PTPRO: variants seen among roughly 807,000 people sequenced by gnomAD.
The protein encoded by PTPRO is protein tyrosine phosphatase receptor type O.
A neutral mutation model predicts 145.2 loss-of-function variants in PTPRO; 62 were observed. That is an observed-to-expected ratio of 0.43 (90% CI 0.35 to 0.53). The LOEUF (loss-of-function observed/expected upper bound fraction) is 0.53. PTPRO is among the 20% of genes least tolerant of loss of function. The pLI is 0.01. For synonymous variants in PTPRO, 565 were observed against 514.7 expected, an observed-to-expected ratio of 1.10 and a Z score of -1.32; for missense variants, 1,345 against 1,482.7, an observed-to-expected ratio of 0.91 and a Z score of 1.53.
chr12:15,323,716 G>A (rs1286682296), intron 1 of PTPRO, among the ~76,000 whole-genome samples: 1 of 152,068 alleles, frequency 6.6e-6, no homozygotes, highest in Admixed American at 6.5e-5. Context: ...CAAGAATGTC[G>A]ACAGGTGACT....
Position 15,589,514 on chromosome 12 carries a change from G to C in PTPRO, c.3470G>C (p.Arg1157Pro). Reference protein sequence around the residue: ...IALDRLLQHIRDHEFVDILGL... With the variant: ...IALDRLLQHIPDHEFVDILGL... ...CTGGACAGGCTCTTGCAGCACATTC[G>C]GGATCATGAGTTTGTTGACATCTTA... Residue 1157 changes from arginine (R) to proline (P), a missense_variant, in exon 25 of 27, where the codon CGG becomes CCG. Coordinates refer to ENST00000281171, the MANE Select transcript of PTPRO (RefSeq NM_030667.3). 6.2e-7 allele frequency: 1 copy of C among 1,614,092 alleles called. No homozygotes were observed. The highest frequency in any genetic ancestry group is 1.3e-5 in the African/African-American group (1 of 75,038).
At chr12:15,570,569 C>T (rs1437764052) in intron 19 of PTPRO, among the ~76,000 whole-genome samples, 2 of 152,146 alleles carry the variant, frequency 1.3e-5, no homozygotes, top group Non-Finnish European at 2.9e-5. Context: ...ACAGAGCCTG[C>T]TCACTTATCC....
chr12:15,330,264 C>T (rs1866569350), intron 1 of PTPRO, among the ~76,000 whole-genome samples: 2 of 152,156 alleles, frequency 1.3e-5, no homozygotes, highest in Non-Finnish European at 2.9e-5. Context: ...ATTAGGGTGA[C>T]AGACAGTCAA....
At chr12:15,505,293 G>A (rs1942299507) in intron 6 of PTPRO, among the ~76,000 whole-genome samples, 1 of 152,118 alleles carries the variant, frequency 6.6e-6, no homozygotes, top group Non-Finnish European at 1.5e-5. Context: ...TATTTTTCTA[G>A]ATTTATTTTA....
intron 1 of PTPRO, among the ~76,000 whole-genome samples, chr12:15,434,123 A>C (rs1940529017): frequency 6.6e-6 from 1 of 152,186 alleles, no homozygotes; most frequent in African/African-American, 2.4e-5. Flanking sequence ...AGTCCAGTAA[A>C]ATGCCCTTTG....
chr12:15,541,339 AGACT>A lies in PTPRO; in HGVS notation c.2165-5224_2165-5221del, dbSNP rs1943176222. Reference sequence around the variant, plus strand: ...TTTTTTCCTATCCTTCTGCTTTAGAAGACTGACTGTATTTGATATTTTATAGGGT... The same window carrying A: ...TTTTTTCCTATCCTTCTGCTTTAGAAGACTGTATTTGATATTTTATAGGGT... On this transcript the variant is annotated intron_variant, in intron 12 of 26. Transcript: ENST00000281171. Among the ~76,000 whole-genome samples, 9 of 152,334 alleles carry A rather than the reference AGACT, an allele frequency of 5.9e-5. No homozygotes were observed. In the South Asian group the frequency reaches 1.9e-3, roughly 32 times the overall value.
At chr12:15,339,088 T>C (rs962312740) in intron 1 of PTPRO, among the ~76,000 whole-genome samples, 1 of 152,186 alleles carries the variant, frequency 6.6e-6, no homozygotes, top group Admixed American at 6.5e-5. Context: ...AGAACTGTAT[T>C]GAAATAAATG....
intron 1 of PTPRO, among the ~76,000 whole-genome samples, chr12:15,482,306 C>T (rs1050557098): frequency 2.6e-5 from 4 of 151,982 alleles, no homozygotes; most frequent in Admixed American, 6.6e-5. Context: ...ATAAATACCA[C>T]GTTTTTACTC....
intron 19 of PTPRO, among the ~76,000 whole-genome samples, chr12:15,573,851 C>T (rs1188273943): frequency 6.6e-6 from 1 of 152,150 alleles, no homozygotes; most frequent in African/African-American, 2.4e-5. Flanking sequence ...GTATGCTGGA[C>T]CTTTCACATG....
intron 12 of PTPRO, among the ~76,000 whole-genome samples, chr12:15,536,401 A>G (rs1943066351): frequency 1.3e-5 from 2 of 152,224 alleles, no homozygotes; most frequent in Non-Finnish European, 2.9e-5. Flanking sequence ...TTCTGTAGGC[A>G]GAAGGAACCA....
In PTPRO at chr12:15,549,145, GC is replaced by G; in HGVS notation, c.2358del (p.Thr787LeufsTer21). 6.2e-7 allele frequency: 1 copy of G among 1,612,672 alleles called. No homozygotes were observed. Among genetic ancestry groups the G allele is most frequent in the Non-Finnish European group, 8.5e-7 (1 of 1,179,652 alleles). On this transcript the variant is annotated frameshift_variant, in exon 14 of 27. Transcript: ENST00000281171. LOFTEE classifies it high-confidence loss of function. ...HVVTISSLLP[A>X]TAYNCSVTSF... is the part of the protein sequence containing the mutation. ...CGTGACCATCTCCAGCCTTCTTCCTGCCACTGCCTACAATTGTAGTGTCACC... is the reference window on the plus strand; with the variant it reads ...CGTGACCATCTCCAGCCTTCTTCCTGCACTGCCTACAATTGTAGTGTCACC...
Position 15,595,001 on chromosome 12 carries a change from G to A in PTPRO, c.3611G>A (p.Cys1204Tyr). The A allele has an allele frequency of 6.2e-7, 1 of 1,613,870 alleles. No homozygotes were observed. The highest frequency in any genetic ancestry group is 1.1e-5 in the South Asian group (1 of 91,066). Residue 1204 changes from cysteine (C) to tyrosine (Y), a missense_variant, in exon 26 of 27, where the codon TGC (cysteine) becomes TAC (tyrosine). Around this residue, in one of 3 missense-constraint regions of PTPRO, gnomAD observed 208 missense variants for 242.8 expected, o/e 0.86. Transcript: ENST00000281171. Reference sequence around the variant, plus strand: ...TGGATGAAGAAGAAGCAGCAGTTCTGCATCAGTGATGTCATATACGAGAAT... The same window carrying A: ...TGGATGAAGAAGAAGCAGCAGTTCTACATCAGTGATGTCATATACGAGAAT... ...LMWMKKKQQF[C>Y]ISDVIYENVS...
chr12:15,421,564 A>G (rs1043593161), intron 1 of PTPRO, among the ~76,000 whole-genome samples: 1 of 152,214 alleles, frequency 6.6e-6, no homozygotes, highest in Non-Finnish European at 1.5e-5. Context: ...TGCATAGCCA[A>G]GTTTAATTTG....
At chr12:15,491,865 A>G (rs1021129524) in intron 2 of PTPRO, among the ~76,000 whole-genome samples, 37 of 152,294 alleles carry the variant, frequency 2.4e-4, no homozygotes, top group African/African-American at 8.7e-4. Context: ...ATATAGTCAG[A>G]AGGACTGAAA....
chr12:15,594,908 C>A, intron 25 of PTPRO, 29 bp from the exon 26 acceptor site: 1 of 1,533,672 alleles, frequency 6.5e-7, no homozygotes, highest in Non-Finnish European at 9.0e-7. Flanking sequence ...CATGTCTGCT[C>A]TGAAACCTGT....
chr12:15,514,451 C>CAA lies in PTPRO; in HGVS notation c.1465-1026_1465-1025dup, dbSNP rs71438353. ...TGGGCGACAGAGTAAGACTCTGTCT[C>CAA]AAAAAAAAAAAAAAAAAAAAAAGAA... On this transcript the variant is annotated intron_variant, in intron 7 of 26. Transcript: ENST00000281171. Among the ~76,000 whole-genome samples the CAA allele has an allele frequency of 4.8e-3, 332 of 68,596 alleles. 6 individuals are homozygous for CAA. In the Middle Eastern group the frequency reaches 0.049, roughly 10 times the overall value. 45.0% of individuals were successfully genotyped at this position (68,596 alleles called of 152,430 possible).
At chr12:15,517,089 C>T (rs1942615732) in intron 9 of PTPRO, 133 bp downstream of exon 9, 6 of 885,768 alleles carry the variant, frequency 6.8e-6, no homozygotes, top group Admixed American at 1.9e-5. Context: ...AGTTCATTTT[C>T]ACACTGCTGA....
intron 1 of PTPRO, among the ~76,000 whole-genome samples, chr12:15,376,539 A>G (rs887150785): frequency 1.2e-4 from 19 of 152,348 alleles, no homozygotes; most frequent in African/African-American, 4.6e-4. Flanking sequence ...AAAGATAAGT[A>G]TACAGTAGTC....
chr12:15,471,204 C>A (rs986587414), intron 1 of PTPRO, among the ~76,000 whole-genome samples: 5 of 152,070 alleles, frequency 3.3e-5, no homozygotes, highest in Non-Finnish European at 7.4e-5. Context: ...CATGGTGAAA[C>A]CCTGTCTCTA....
Sources: gnomAD v4.1 joint callset for allele counts (sites outside exome capture counted in the v4.1 genomes callset) on GRCh38, gnomAD v4.1.1 for gene constraint, gnomAD v4.1.1 regional missense constraint, MANE v1.5 for transcripts, NCBI Gene and HGNC (gene_info 2026-07-23, HGNC 2026-07-21) for gene names.